DYM: variants seen among roughly 807,000 people sequenced by gnomAD.
DYM encodes dymeclin, also known as dyggve-Melchior-Clausen syndrome protein.
In DYM, 78 loss-of-function variants were observed where a neutral mutation model predicts 93.1. The observed-to-expected ratio is 0.84, with a 90% CI of 0.70 to 1.01. DYM has a LOEUF of 1.01. Among genes scored for constraint, DYM ranks in the 50% least tolerant of loss-of-function variants. The pLI is 0.00. For missense variants in DYM, 789 were observed against 845.0 expected (o/e 0.93, Z 0.82); for synonymous variants, 321 against 319.7 (o/e 1.00, Z -0.04).
At chr18:49,315,506 G>A (rs943327312) in intron 8 of DYM, among the ~76,000 whole-genome samples, 13 of 152,146 alleles carry the variant, frequency 8.5e-5, no homozygotes, top group Admixed American at 2.0e-4. Flanking sequence ...TTCCAGAGAA[G>A]TCACCTCTTT....
intron 14 of DYM, among the ~76,000 whole-genome samples, chr18:49,201,459 G>A (rs762498378): frequency 7.2e-5 from 11 of 151,966 alleles, no homozygotes; most frequent in African/African-American, 2.7e-4. Flanking sequence ...GTCATCAGAC[G>A]CAGCATGCTT....
In DYM at chr18:49,209,780, AT is replaced by A. The variant is rs1480564607; in HGVS notation, c.1461-66del. On this transcript the variant is annotated intron_variant, in intron 13 of 17. Transcript: ENST00000675505. The stretch of plus-strand genomic sequence containing the variant: ...GAGTTTTCCTTTGAAAAAATAAATC[AT>A]TTTTTATGTCCTCAAAGCTTTCTGT... 18 of 1,078,746 alleles carry A rather than the reference AT, an allele frequency of 1.7e-5. No homozygotes were observed. The East Asian group carries it at 1.0e-3, about 61-fold the overall frequency. The allele number at this position is 1,078,746 out of a possible 1,614,324, so 66.8% of individuals were successfully genotyped here. A position where few individuals can be genotyped will look rare whatever the true frequency, so the allele number is the denominator to read the frequency against.
intron 8 of DYM, among the ~76,000 whole-genome samples, chr18:49,318,564 G>GT (rs1220346838): frequency 6.6e-6 from 1 of 152,054 alleles, no homozygotes; most frequent in African/African-American, 2.4e-5. Context: ...AGAGGTTGTA[G>GT]TGAGCCGAGA....
At chr18:49,420,336 T>G (rs890739911) in intron 2 of DYM, among the ~76,000 whole-genome samples, 2 of 151,638 alleles carry the variant, frequency 1.3e-5, no homozygotes, top group Non-Finnish European at 2.9e-5. Flanking sequence ...CCTGGCTAAT[T>G]TTTTGTATTT....
At chr18:49,301,106 AAAG>A (rs376666976) in intron 8 of DYM, among the ~76,000 whole-genome samples, 15 of 152,328 alleles carry the variant, frequency 9.8e-5, no homozygotes, top group African/African-American at 3.4e-4. Context: ...AGTATTTGAA[AAAG>A]AAGATTTCAA....
At chr18:49,268,871 T>C (rs958389578) in intron 11 of DYM, among the ~76,000 whole-genome samples, 1 of 152,130 alleles carries the variant, frequency 6.6e-6, no homozygotes, top group African/African-American at 2.4e-5. Flanking sequence ...TTACTTCTCA[T>C]AGTATTTTAC....
chr18:49,162,786 G>GGACTTTAA (rs908869183), intron 15 of DYM, among the ~76,000 whole-genome samples: 4 of 152,176 alleles, frequency 2.6e-5, no homozygotes, highest in Admixed American at 6.5e-5. Context: ...TTGAGAATGA[G>GGACTTTAA]GACTTTAAGA....
At chr18:49,317,833 C>T (rs989862009) in intron 8 of DYM, among the ~76,000 whole-genome samples, 3 of 151,764 alleles carry the variant, frequency 2.0e-5, no homozygotes, top group Non-Finnish European at 4.4e-5. Context: ...GGCATTCATC[C>T]TTTTAACAAA....
At chr18:49,190,749 C>A (rs547540574) in intron 14 of DYM, among the ~76,000 whole-genome samples, 2 of 152,158 alleles carry the variant, frequency 1.3e-5, no homozygotes, top group East Asian at 3.8e-4. Flanking sequence ...TTTTCTTCCA[C>A]GTCTGCCACC....
In DYM at chr18:49,126,899, T is replaced by TA. The variant is rs748284207; in HGVS notation, c.1729-7974dup. Among the ~76,000 whole-genome samples the TA allele has an allele frequency of 3.9e-5, 6 of 152,378 alleles. No homozygotes were observed. The East Asian group carries it at 1.2e-3, about 29-fold the overall frequency. ...AACTCATGTTTCTTAGTTTTAAATGTAAGTCCAAAATCCCACTCTTATTAA... is the reference window on the plus strand; with the variant it reads ...AACTCATGTTTCTTAGTTTTAAATGTAAAGTCCAAAATCCCACTCTTATTAA... On this transcript the variant is annotated intron_variant, in intron 15 of 17. Coordinates refer to ENST00000675505, the MANE Select transcript of DYM (RefSeq NM_001353214.3).
At chr18:49,131,505 C>A (rs755493442) in intron 15 of DYM, among the ~76,000 whole-genome samples, 2 of 152,074 alleles carry the variant, frequency 1.3e-5, no homozygotes, top group Non-Finnish European at 2.9e-5. Flanking sequence ...GATTACAGGC[C>A]TAAGCCACCA....
intron 15 of DYM, among the ~76,000 whole-genome samples, chr18:49,133,656 C>T (rs956818376): frequency 3.3e-5 from 5 of 152,202 alleles, no homozygotes; most frequent in African/African-American, 1.2e-4. Context: ...ATCTTCAAAC[C>T]AGCAATGGCA....
At chr18:49,086,669 G>C (rs898117960) in intron 17 of DYM, among the ~76,000 whole-genome samples, 14 of 152,236 alleles carry the variant, frequency 9.2e-5, no homozygotes, top group Admixed American at 9.2e-4. Context: ...TGAAGGTGGA[G>C]CCTCATGAAG....
chr18:49,455,699 C>A (rs538721660), intron 1 of DYM, among the ~76,000 whole-genome samples: 1 of 152,228 alleles, frequency 6.6e-6, no homozygotes, highest in South Asian at 2.1e-4. Flanking sequence ...TGTCTGTAAT[C>A]CCAGCACTTT....
At chr18:49,071,200 A>C (rs976343851) in intron 17 of DYM, among the ~76,000 whole-genome samples, 2 of 152,244 alleles carry the variant, frequency 1.3e-5, no homozygotes, top group Non-Finnish European at 2.9e-5. Flanking sequence ...ATATTTATTT[A>C]ATGGCAGAGG....
rs1336807491 is a variant in DYM, at chr18:49,308,965, C to A, written c.764-22349G>T. Among the ~76,000 whole-genome samples the A allele has an allele frequency of 3.3e-5, 5 of 152,160 alleles. No homozygotes were observed. The East Asian group carries it at 5.8e-4, about 18-fold the overall frequency. The stretch of plus-strand genomic sequence containing the variant: ...ACTTGGGTAGATCCATATAATACAC[C>A]ATTAAAATTACATTCATGAAGAAAT... On this transcript the variant is annotated intron_variant, in intron 8 of 17. Coordinates refer to ENST00000675505, the MANE Select transcript of DYM (RefSeq NM_001353214.3).
chr18:49,111,231 A>G (rs1444431241), intron 16 of DYM, among the ~76,000 whole-genome samples: 2 of 152,116 alleles, frequency 1.3e-5, no homozygotes, highest in African/African-American at 4.8e-5. Flanking sequence ...TGTAAAAAAC[A>G]TACGTATTTC....
At chr18:49,368,770 A>G (rs1054962221) in intron 5 of DYM, 9 of 152,354 alleles carry the variant, frequency 5.9e-5, no homozygotes, top group Admixed American at 2.6e-4. Context: ...AACATGCCAC[A>G]GGTTTTGAAG....
At chr18:49,254,361 C>G (rs2094350735) in intron 13 of DYM, among the ~76,000 whole-genome samples, 1 of 146,522 alleles carries the variant, frequency 6.8e-6, no homozygotes, top group Non-Finnish European at 1.5e-5. Context: ...ATTCCTGCTA[C>G]TGAAATGCAA....
Sources: allele counts gnomAD v4.1 joint callset (sites outside exome capture counted in the v4.1 genomes callset), GRCh38; gene constraint gnomAD v4.1.1; transcripts MANE v1.5; gene names NCBI Gene and HGNC (gene_info 2026-07-23, HGNC 2026-07-21).